GALNTL6: variants seen among roughly 807,000 people sequenced by gnomAD.
GALNTL6 encodes polypeptide N-acetylgalactosaminyltransferase like 6.
GALNTL6 carries 46 observed loss-of-function variants against 73.7 expected under a neutral mutation model. That is an observed-to-expected ratio of 0.62 (90% CI 0.49 to 0.80). The LOEUF is 0.80. Ranked by LOEUF, GALNTL6 falls within the 30% of genes least tolerant of loss-of-function variation. GALNTL6 has a pLI of 0.00. For missense variants in GALNTL6, 604 were observed against 755.0 expected (o/e 0.80, Z 2.34); for synonymous variants, 259 against 263.7 (o/e 0.98, Z 0.17).
At chr4:172,296,009 A>G (rs1739659720) in intron 3 of GALNTL6, among the ~76,000 whole-genome samples, 2 of 152,106 alleles carry the variant, frequency 1.3e-5, no homozygotes, top group Admixed American at 6.5e-5. Flanking sequence ...GATAGGGTCC[A>G]GTTGAATAGA....
At chr4:172,691,948 A>G (rs1036314970) in intron 5 of GALNTL6, among the ~76,000 whole-genome samples, 1 of 152,240 alleles carries the variant, frequency 6.6e-6, no homozygotes, top group Non-Finnish European at 1.5e-5. Flanking sequence ...ATCATTAAAA[A>G]TATAGATAAG....
chr4:172,364,752 T>A (rs1333971269), intron 5 of GALNTL6, among the ~76,000 whole-genome samples: 1 of 152,152 alleles, frequency 6.6e-6, no homozygotes, highest in Non-Finnish European at 1.5e-5. Context: ...CTGTCCCTAG[T>A]CAAAGTGGAC....
rs548759670 is a variant in GALNTL6, at chr4:172,766,244, G to C, written c.554-43117G>C. The stretch of plus-strand genomic sequence containing the variant: ...ACTTACTTTGTACAGTGTTGTAAGG[G>C]AATTTTTAGGTTTTAGGCAAAAAGA... On this transcript the variant is annotated intron_variant, in intron 5 of 12. Transcript: ENST00000506823. Among the ~76,000 whole-genome samples, 12 of 152,200 alleles carry C rather than the reference G, an allele frequency of 7.9e-5. No homozygotes were observed. The East Asian group carries it at 2.3e-3, about 29-fold the overall frequency.
intron 4 of GALNTL6, among the ~76,000 whole-genome samples, chr4:172,343,263 T>G (rs544484062): frequency 4.6e-5 from 7 of 152,328 alleles, no homozygotes; most frequent in African/African-American, 1.7e-4. Flanking sequence ...TAGAACTTTT[T>G]AAATGTGAGT....
intron 8 of GALNTL6, among the ~76,000 whole-genome samples, chr4:172,902,444 A>G (rs747472768): frequency 3.9e-5 from 6 of 152,180 alleles, no homozygotes; most frequent in Admixed American, 6.6e-5. Context: ...CAAAGTCTCA[A>G]TCCAGGTTGA....
chr4:172,742,227 G>A (rs1384772954), intron 5 of GALNTL6, among the ~76,000 whole-genome samples: 1 of 151,870 alleles, frequency 6.6e-6, no homozygotes, highest in Non-Finnish European at 1.5e-5. Flanking sequence ...TGGTGAACCT[G>A]TTTGTTTGGG....
chr4:172,533,247 A>T (rs1240680881), intron 5 of GALNTL6, among the ~76,000 whole-genome samples: 1 of 148,750 alleles, frequency 6.7e-6, no homozygotes, highest in Non-Finnish European at 1.5e-5. Flanking sequence ...TCCTGACCTC[A>T]GGTGATCCAC....
At chr4:171,866,418 C>A (rs988310303) in intron 2 of GALNTL6, among the ~76,000 whole-genome samples, 2 of 151,898 alleles carry the variant, frequency 1.3e-5, no homozygotes, top group African/African-American at 4.8e-5. Context: ...TAGTTATAAT[C>A]ATTACTATTT....
chr4:172,978,897 T>C (rs571504640), intron 10 of GALNTL6, among the ~76,000 whole-genome samples: 31 of 152,380 alleles, frequency 2.0e-4, no homozygotes, highest in Admixed American at 2.6e-4. Context: ...CTCCAACATT[T>C]ACTGGATGAA....
Position 172,950,624 on chromosome 4 carries a change from G to T in GALNTL6, c.1150-1413G>T, listed in dbSNP as rs545530675. 2.6e-5 allele frequency among the ~76,000 whole-genome samples: 4 copies of T among 152,312 alleles called. No individual in the cohort carries two copies. In the South Asian group the frequency reaches 8.3e-4, roughly 32 times the overall value. On this transcript the variant is annotated intron_variant, in intron 9 of 12. Transcript: ENST00000506823. Reference sequence around the variant, plus strand: ...GAAAATGTACAGTCTCATTAGGAATGAGGTACCAATGATGGTGTCTCCAAA... The same window carrying T: ...GAAAATGTACAGTCTCATTAGGAATTAGGTACCAATGATGGTGTCTCCAAA...
At chr4:171,841,926 A>T (rs1485891151) in intron 2 of GALNTL6, among the ~76,000 whole-genome samples, 4 of 152,108 alleles carry the variant, frequency 2.6e-5, no homozygotes, top group Non-Finnish European at 4.4e-5. Flanking sequence ...CAAGATTATA[A>T]GTGATTCTTC....
At chr4:172,252,329 A>G (rs1297241887) in intron 3 of GALNTL6, among the ~76,000 whole-genome samples, 1 of 152,090 alleles carries the variant, frequency 6.6e-6, no homozygotes, top group Non-Finnish European at 1.5e-5. Flanking sequence ...ATCTGGCATT[A>G]AAATCTTCAT....
At chr4:172,286,579 A>T (rs1561006668) in intron 3 of GALNTL6, among the ~76,000 whole-genome samples, 1 of 152,236 alleles carries the variant, frequency 6.6e-6, no homozygotes, top group Non-Finnish European at 1.5e-5. Context: ...TTATGGGCTA[A>T]TGATTTTGGA....
chr4:172,923,907 A>G (rs981809608), intron 8 of GALNTL6, among the ~76,000 whole-genome samples: 1 of 151,954 alleles, frequency 6.6e-6, no homozygotes, highest in Admixed American at 6.6e-5. Flanking sequence ...ACCTGCCCCC[A>G]TGATTCAATT....
At chr4:171,840,390 A>G (rs1735207445) in intron 2 of GALNTL6, among the ~76,000 whole-genome samples, 1 of 133,406 alleles carries the variant, frequency 7.5e-6, no homozygotes, top group African/African-American at 2.9e-5. Flanking sequence ...AACATATTAA[A>G]GAAACCGTGG....
chr4:171,998,878 C>G lies in GALNTL6; in HGVS notation c.138+184160C>G, dbSNP rs577052371. On this transcript the variant is annotated intron_variant, in intron 2 of 12. Coordinates refer to ENST00000506823, the MANE Select transcript of GALNTL6 (RefSeq NM_001034845.3). Reference sequence around the variant, plus strand: ...TGGCTTAATCCCATTACCCTGGCTCCGATCCTTAGTGATTCTGTCAGGTCC... The same window carrying G: ...TGGCTTAATCCCATTACCCTGGCTCGGATCCTTAGTGATTCTGTCAGGTCC... 5.9e-5 allele frequency among the ~76,000 whole-genome samples: 9 copies of G among 152,188 alleles called. No homozygotes were observed. The East Asian group carries it at 1.7e-3, about 29-fold the overall frequency.
chr4:172,255,927 T>C (rs1480065396), intron 3 of GALNTL6, among the ~76,000 whole-genome samples: 1 of 151,384 alleles, frequency 6.6e-6, no homozygotes, highest in East Asian at 1.9e-4. Context: ...TAAACTAATA[T>C]TTCAGCATCT....
intron 5 of GALNTL6, among the ~76,000 whole-genome samples, chr4:172,644,384 A>G (rs756431885): frequency 5.5e-4 from 84 of 151,986 alleles, no homozygotes; most frequent in Non-Finnish European, 1.1e-3. Flanking sequence ...AGCACCCCAG[A>G]AAGATCTCCC....
intron 5 of GALNTL6, among the ~76,000 whole-genome samples, chr4:172,671,387 T>C (rs769536295): frequency 6.6e-6 from 1 of 152,194 alleles, no homozygotes; most frequent in Middle Eastern, 3.2e-3. Context: ...GCTGTATTCC[T>C]AGGTATTTTG....
Sources: allele counts gnomAD v4.1 joint callset (sites outside exome capture counted in the v4.1 genomes callset), GRCh38; gene constraint gnomAD v4.1.1; transcripts MANE v1.5; gene names NCBI Gene and HGNC (gene_info 2026-07-23, HGNC 2026-07-21).